The following SNX29 variants were observed in gnomAD, a reference collection of about 807,000 sequenced individuals.
SNX29 encodes sorting nexin-29.
SNX29 carries 78 observed loss-of-function variants against 102.1 expected under a neutral mutation model. That is an observed-to-expected ratio of 0.76 (90% CI 0.64 to 0.92). The LOEUF (loss-of-function observed/expected upper bound fraction) is 0.92. Among genes scored for constraint, SNX29 ranks in the 40% least tolerant of loss-of-function variants. The pLI is 0.00. For synonymous variants in SNX29, 580 were observed against 414.5 expected, an observed-to-expected ratio of 1.40 and a Z score of -4.85; for missense variants, 1,280 against 1,061.7, an observed-to-expected ratio of 1.21 and a Z score of -2.86.
rs116250042 is a variant in SNX29, at chr16:12,199,855, C to T, written c.1678+172C>T. The stretch of plus-strand genomic sequence containing the variant: ...TCAGGTGGAAAACCTGATGCGTATC[C>T]CTGCAACATGCATAACTAGTATTGT... On this transcript the variant is annotated intron_variant, in intron 14 of 20. Coordinates refer to ENST00000566228, the MANE Select transcript of SNX29 (RefSeq NM_032167.5). Among the ~76,000 whole-genome samples, 216 of 152,306 alleles carry T rather than the reference C, an allele frequency of 1.4e-3. 1 individual carries two copies. The highest frequency in any genetic ancestry group is 5.0e-3 in the African/African-American group (207 of 41,562).
intron 13 of SNX29, among the ~76,000 whole-genome samples, chr16:12,140,918 T>TA (rs2054844684): frequency 6.6e-6 from 1 of 152,228 alleles, no homozygotes; most frequent in Admixed American, 6.5e-5. Context: ...GAATATAACC[T>TA]ACTTATACAA....
rs766564528 is a variant in SNX29, at chr16:12,069,042, G to T, written c.1244-15G>T. ...AGAAAAGTGACCTCTTTCTGTGATT[G>T]CTCTCTCTGCACAGATGCCCCCCTC... is the stretch of plus-strand genomic sequence containing the variant. On this transcript the variant is annotated splice_polypyrimidine_tract_variant and intron_variant, in intron 9 of 20. Coordinates refer to ENST00000566228, the MANE Select transcript of SNX29 (RefSeq NM_032167.5). 1.9e-6 allele frequency: 3 copies of T among 1,612,038 alleles called. No homozygotes were observed. The highest frequency in any genetic ancestry group is 1.7e-6 in the Non-Finnish European group (2 of 1,178,674).
At chr16:12,553,937 C>G (rs937243655) in intron 20 of SNX29, among the ~76,000 whole-genome samples, 1 of 152,122 alleles carries the variant, frequency 6.6e-6, no homozygotes, top group Non-Finnish European at 1.5e-5. Context: ...AAGCAATTCT[C>G]CTGCCTCAGC....
Position 12,571,249 on chromosome 16 carries a change from C to T in SNX29, c.*2620C>T, listed in dbSNP as rs1287817221. Reference sequence around the variant, plus strand: ...TCCTGGAGTTATGGAGCAGAAACACCCAGGCCTAGCAGAATTGTGGCTGAA... The same window carrying T: ...TCCTGGAGTTATGGAGCAGAAACACTCAGGCCTAGCAGAATTGTGGCTGAA... On this transcript the variant is annotated 3_prime_UTR_variant, in exon 21 of 21. Transcript: ENST00000566228. The T allele has an allele frequency of 1.7e-5, 4 of 231,974 alleles. No homozygotes were observed. The highest frequency in any genetic ancestry group is 8.8e-5 in the African/African-American group (4 of 45,264). 14.4% of individuals were successfully genotyped at this position (231,974 alleles called of 1,614,324 possible). A position where few individuals can be genotyped will look rare whatever the true frequency, so the allele number is the denominator to read the frequency against.
At position 12,480,954 on chromosome 16, in the gene SNX29, C is replaced by T. The variant is rs374166220; in HGVS notation, c.2178+3095C>T. ...GCAGTGACGCTGTGTCAACTCACTA[C>T]AACCTGTGCTTCTGGAGGAGAGAAC... On this transcript the variant is annotated intron_variant, in intron 19 of 20. Coordinates refer to ENST00000566228, the MANE Select transcript of SNX29 (RefSeq NM_032167.5). Among the ~76,000 whole-genome samples, 8 of 152,254 alleles carry T rather than the reference C, an allele frequency of 5.3e-5. No individual in the cohort carries two copies. In the East Asian group the frequency reaches 1.2e-3, roughly 22 times the overall value.
chr16:12,568,497 C>T lies in SNX29; in HGVS notation c.2319-9C>T, dbSNP rs778760789. 2.5e-6 allele frequency: 4 copies of T among 1,609,316 alleles called. No homozygotes were observed. Among genetic ancestry groups the T allele is most frequent in the Non-Finnish European group, 2.5e-6 (3 of 1,179,828 alleles). ...CAGACTTAACCCGATTCTCTCCCTGCTCTTTCAGCGACATCACCCCGCCCG... is the reference window on the plus strand; with the variant it reads ...CAGACTTAACCCGATTCTCTCCCTGTTCTTTCAGCGACATCACCCCGCCCG... On this transcript the variant is annotated splice_polypyrimidine_tract_variant and intron_variant, in intron 20 of 20. Transcript: ENST00000566228.
intron 18 of SNX29, among the ~76,000 whole-genome samples, chr16:12,423,818 A>T (rs144823446): frequency 0.011 from 1,695 of 152,316 alleles, 39 homozygotes; most frequent in African/African-American, 0.038. Flanking sequence ...GTGATCCACC[A>T]GCCTCAGCTT....
At chr16:12,153,996 G>T (rs1199623719) in intron 13 of SNX29, among the ~76,000 whole-genome samples, 1 of 152,144 alleles carries the variant, frequency 6.6e-6, no homozygotes, top group Non-Finnish European at 1.5e-5. Context: ...CTGCTGGGAG[G>T]TATTTTATTG....
intron 15 of SNX29, among the ~76,000 whole-genome samples, chr16:12,306,080 A>G (rs2080328812): frequency 6.6e-6 from 1 of 151,734 alleles, no homozygotes; most frequent in East Asian, 2.0e-4. Flanking sequence ...TGCATGTAAA[A>G]CCATTCATCC....
At chr16:12,365,691 C>CAA (rs570712989) in intron 16 of SNX29, among the ~76,000 whole-genome samples, 57 of 129,482 alleles carry the variant, frequency 4.4e-4, no homozygotes, top group African/African-American at 1.4e-3. Flanking sequence ...ACTCCATCTC[C>CAA]AAAAAAAAAA....
intron 20 of SNX29, among the ~76,000 whole-genome samples, chr16:12,564,699 G>C (rs1249079020): frequency 6.6e-6 from 1 of 152,056 alleles, no homozygotes; most frequent in Non-Finnish European, 1.5e-5. Context: ...TTAGGCCCCA[G>C]AGCTGCAAGC....
At chr16:12,164,157 TG>T (rs2055911307) in intron 13 of SNX29, among the ~76,000 whole-genome samples, 1 of 151,924 alleles carries the variant, frequency 6.6e-6, no homozygotes, top group African/African-American at 2.4e-5. Context: ...TCCCAGTGTC[TG>T]GGGGAAGACA....
At chr16:12,285,416 T>C (rs2079562924) in intron 15 of SNX29, among the ~76,000 whole-genome samples, 1 of 152,262 alleles carries the variant, frequency 6.6e-6, no homozygotes, top group African/African-American at 2.4e-5. Context: ...ACTTATCGTT[T>C]ACTGTCTGAG....
At chr16:12,356,105 G>T in intron 15 of SNX29, 58 bp from the exon 16 acceptor site, 1 of 1,514,424 alleles carries the variant, frequency 6.6e-7, no homozygotes, top group Non-Finnish European at 9.0e-7. Context: ...GAGAAGGCGG[G>T]ATTGGTCCCT....
chr16:12,289,559 G>A (rs1272816333), intron 15 of SNX29, among the ~76,000 whole-genome samples: 1 of 152,142 alleles, frequency 6.6e-6, no homozygotes, highest in African/African-American at 2.4e-5. Context: ...CATGTGTTCT[G>A]TTTCGCTTCC....
chr16:12,047,196 C>T (rs2050123185), intron 6 of SNX29, among the ~76,000 whole-genome samples: 1 of 152,144 alleles, frequency 6.6e-6, no homozygotes. Flanking sequence ...TCAGGAGTCG[C>T]ACACATGACG....
intron 16 of SNX29, among the ~76,000 whole-genome samples, chr16:12,380,988 T>TCCAC (rs1322384750): frequency 2.2e-5 from 1 of 45,076 alleles, no homozygotes; most frequent in Non-Finnish European, 4.1e-5. Flanking sequence ...CATCCATCCA[T>TCCAC]CCACCCACCC....
chr16:12,432,846 C>G (rs934578029), intron 18 of SNX29, among the ~76,000 whole-genome samples: 1 of 152,208 alleles, frequency 6.6e-6, no homozygotes, highest in African/African-American at 2.4e-5. Context: ...GGGAGCAGGG[C>G]TCCCCACTAT....
intron 19 of SNX29, among the ~76,000 whole-genome samples, chr16:12,523,827 C>T (rs569489026): frequency 1.3e-5 from 2 of 152,318 alleles, no homozygotes; most frequent in East Asian, 3.9e-4. Context: ...TGGGGCCACG[C>T]TGCACAGCCC....
Sources: allele counts gnomAD v4.1 joint callset (sites outside exome capture counted in the v4.1 genomes callset), GRCh38; gene constraint gnomAD v4.1.1; transcripts MANE v1.5; gene names NCBI Gene and HGNC (gene_info 2026-07-23, HGNC 2026-07-21).